PCDHA11: variants seen among roughly 807,000 people sequenced by gnomAD.
PCDHA11 encodes the protein protocadherin alpha 11, also known as protocadherin alpha-11.
In PCDHA11, 61 loss-of-function variants were observed where a neutral mutation model predicts 70.3. The ratio of observed to expected loss-of-function variants is 0.87; its 90% CI spans 0.71 to 1.07. PCDHA11 has a LOEUF of 1.07. PCDHA11 is among the 50% of genes least tolerant of loss of function. PCDHA11 has a pLI of 0.00. For missense variants in PCDHA11, 1,324 were observed against 1,237.5 expected (o/e 1.07, Z -1.05); for synonymous variants, 633 against 555.1 (o/e 1.14, Z -1.97).
rs111528394 is a variant in PCDHA11 at position 140,995,338 on chromosome 5, C to T, written c.2539+12775C>T. Among the ~76,000 whole-genome samples the T allele has an allele frequency of 2.7e-4, 41 of 151,956 alleles. 1 individual carries two copies. Among genetic ancestry groups the T allele is most frequent in the Admixed American group, 6.6e-4 (10 of 15,254 alleles). On this transcript the variant is annotated intron_variant, in intron 3 of 3. Coordinates refer to ENST00000398640, the MANE Select transcript of PCDHA11 (RefSeq NM_018902.5). The stretch of plus-strand genomic sequence containing the variant: ...TGAACTAACAGGTGAGTAGTGTAGA[C>T]GGCATGGATAGGTCGGACAGAGGGA...
At chr5:140,941,194 T>TTTCTTC (rs2092780236) in intron 1 of PCDHA11, among the ~76,000 whole-genome samples, 5 of 112,438 alleles carry the variant, frequency 4.4e-5, no homozygotes, top group African/African-American at 1.8e-4. Flanking sequence ...TCTTTTTTTT[T>TTTCTTC]CTTTCTTCCT....
rs782520879 is a variant in PCDHA11, at chr5:141,009,808, T to A, written c.2721T>A (p.Ile907=). Residue 907 remains isoleucine (I), a synonymous_variant, in exon 4 of 4, where the codon ATT becomes ATA. Transcript: ENST00000398640. ...GGCAGGAGCCTACTAACAGCCAAAT[T>A]GACAAAAGTGACTTCATAACCTTCG... The part of the protein sequence containing the change: ...SIRQEPTNSQ[I]DKSDFITFGK... The A allele has an allele frequency of 1.2e-6, 2 of 1,613,832 alleles. No homozygotes were observed. The highest frequency in any genetic ancestry group is 2.2e-5 in the South Asian group (2 of 91,042).
intron 1 of PCDHA11, chr5:140,882,788 C>G: frequency 6.2e-7 from 1 of 1,614,216 alleles, no homozygotes; most frequent in Non-Finnish European, 8.5e-7. Flanking sequence ...CCGACTGGAT[C>G]CCAACGATTA....
chr5:140,884,504 GGGAGTT>G, intron 1 of PCDHA11: 1 of 1,614,180 alleles, frequency 6.2e-7, no homozygotes, highest in Non-Finnish European at 8.5e-7. Context: ...CAGCGCGGCA[GGGAGTT>G]GGTCGTACTC....
chr5:140,927,643 G>A lies in PCDHA11; in HGVS notation c.2392-51306G>A. On this transcript the variant is annotated intron_variant, in intron 1 of 3. Coordinates refer to ENST00000398640, the MANE Select transcript of PCDHA11 (RefSeq NM_018902.5). The stretch of plus-strand genomic sequence containing the variant: ...TCCAGAGACTGCACCCAATGGGACT[G>A]TGTTATTCCGAGTTCAAGCCTTGGA... The A allele has an allele frequency of 3.7e-6, 6 of 1,614,170 alleles. No homozygotes were observed. Among genetic ancestry groups the A allele is most frequent in the South Asian group, 1.1e-5 (1 of 91,088 alleles).
intron 1 of PCDHA11, chr5:140,967,103 C>T: frequency 6.2e-7 from 1 of 1,613,024 alleles, no homozygotes; most frequent in Non-Finnish European, 8.5e-7. Context: ...GCTGTGTGAG[C>T]AGCGGCCTCG....
chr5:140,987,035 G>A (rs992580023), intron 3 of PCDHA11, among the ~76,000 whole-genome samples: 2 of 151,946 alleles, frequency 1.3e-5, no homozygotes, highest in African/African-American at 4.8e-5. Flanking sequence ...TCAACATGGC[G>A]AAACCCCATC....
chr5:140,968,614 A>G, intron 1 of PCDHA11: 5 of 1,614,142 alleles, frequency 3.1e-6, no homozygotes, highest in Non-Finnish European at 4.2e-6. Flanking sequence ...ACTCTGGGCA[A>G]AATGCTTGGC....
chr5:140,900,081 G>T (rs1306300563), intron 1 of PCDHA11, among the ~76,000 whole-genome samples: 1 of 152,062 alleles, frequency 6.6e-6, no homozygotes, highest in African/African-American at 2.4e-5. Context: ...AAGTGCTGCA[G>T]TTACAAGCAT....
intron 1 of PCDHA11, among the ~76,000 whole-genome samples, chr5:140,919,978 A>C (rs993704497): frequency 7.5e-6 from 1 of 134,032 alleles, no homozygotes; most frequent in Non-Finnish European, 1.7e-5. Flanking sequence ...AAGAGATAGA[A>C]GATGGAAAAC....
chr5:140,903,448 G>T (rs188990837), intron 1 of PCDHA11, among the ~76,000 whole-genome samples: 2 of 152,278 alleles, frequency 1.3e-5, no homozygotes, highest in African/African-American at 2.4e-5. Context: ...GAATTCATCT[G>T]ATCAAACTTA....
At chr5:140,944,226 C>T (rs988249626) in intron 1 of PCDHA11, among the ~76,000 whole-genome samples, 3 of 152,126 alleles carry the variant, frequency 2.0e-5, no homozygotes, top group Admixed American at 2.0e-4. Flanking sequence ...TTTACTCTGT[C>T]GCTCAGGCTG....
At chr5:140,968,332 C>T (rs2096240603) in intron 1 of PCDHA11, 2 of 1,614,158 alleles carry the variant, frequency 1.2e-6, no homozygotes, top group Non-Finnish European at 1.7e-6. Flanking sequence ...CCTCCTATGT[C>T]TCCATTAACA....
chr5:140,959,118 C>T (rs781848896), intron 1 of PCDHA11, among the ~76,000 whole-genome samples: 8 of 151,838 alleles, frequency 5.3e-5, no homozygotes, highest in Non-Finnish European at 1.0e-4. Context: ...CGAAGGTGGG[C>T]GAGGTGAGCC....
chr5:140,938,616 A>G (rs1366566018), intron 1 of PCDHA11, among the ~76,000 whole-genome samples: 1 of 152,130 alleles, frequency 6.6e-6, no homozygotes, highest in Non-Finnish European at 1.5e-5. Flanking sequence ...TCTTGGAATA[A>G]ACTCAGGTTG....
At chr5:140,939,119 C>A (rs1427966155) in intron 1 of PCDHA11, among the ~76,000 whole-genome samples, 9 of 152,170 alleles carry the variant, frequency 5.9e-5, no homozygotes, top group African/African-American at 1.7e-4. Flanking sequence ...TTTCACAATT[C>A]TGGAAGCTGG....
At chr5:140,958,913 C>T (rs1367853733) in intron 1 of PCDHA11, among the ~76,000 whole-genome samples, 12 of 151,050 alleles carry the variant, frequency 7.9e-5, no homozygotes, top group Non-Finnish European at 8.8e-5. Context: ...AAAAGTCTGC[C>T]TGGGTGTGGT....
intron 1 of PCDHA11, among the ~76,000 whole-genome samples, chr5:140,873,904 G>A (rs936002886): frequency 6.6e-6 from 1 of 152,074 alleles, no homozygotes; most frequent in African/African-American, 2.4e-5. Flanking sequence ...CAGGTGATCT[G>A]CCTGCCTCAG....
chr5:140,995,581 G>A (rs1268400169), intron 3 of PCDHA11, among the ~76,000 whole-genome samples: 6 of 152,292 alleles, frequency 3.9e-5, no homozygotes, highest in Admixed American at 2.0e-4. Context: ...TGAGCTATGA[G>A]CTTTTAACTT....
Sources: allele counts gnomAD v4.1 joint callset (sites outside exome capture counted in the v4.1 genomes callset), GRCh38; gene constraint gnomAD v4.1.1; transcripts MANE v1.5; gene names NCBI Gene and HGNC (gene_info 2026-07-23, HGNC 2026-07-21).